FAM131B: variants seen among roughly 807,000 people sequenced by gnomAD.
FAM131B encodes family with sequence similarity 131 member B.
A neutral mutation model predicts 42.0 loss-of-function variants in FAM131B; 19 were observed. That is an observed-to-expected ratio of 0.45 (90% confidence interval 0.32 to 0.66). FAM131B has a LOEUF of 0.66. Among genes scored for constraint, FAM131B ranks in the 30% least tolerant of loss-of-function variants. FAM131B has a pLI of 0.05. For synonymous variants in FAM131B, 183 were observed against 177.6 expected (o/e 1.03, Z -0.24); for missense variants, 370 against 468.4 (o/e 0.79, Z 1.94).
At position 143,360,029 on chromosome 7, in the gene FAM131B, T is replaced by G; in HGVS notation, c.138+11A>C. 1 of 1,600,958 alleles carries G rather than the reference T, an allele frequency of 6.2e-7. No homozygotes were observed. Among genetic ancestry groups the G allele is most frequent in the Non-Finnish European group, 8.6e-7 (1 of 1,168,672 alleles). On this transcript the variant is annotated intron_variant, in intron 2 of 6. Coordinates refer to ENST00000443739, the MANE Select transcript of FAM131B (RefSeq NM_001031690.3). Reference sequence around the variant, plus strand: ...CAGCCAGAGACTTGGGGTGGCTGAGTGAGGTCTCACCTCAGTCGATGGCCG... The same window carrying G: ...CAGCCAGAGACTTGGGGTGGCTGAGGGAGGTCTCACCTCAGTCGATGGCCG...
In FAM131B at chr7:143,360,227, C is replaced by T; in HGVS notation, c.29-78G>A. On this transcript the variant is annotated intron_variant, in intron 1 of 6. Transcript: ENST00000443739. ...GCGACACCCTGGGGCCAGCCCTTCA[C>T]ACCCCTTCCTTACCCCAGCTGCCCA... 2.6e-6 allele frequency: 4 copies of T among 1,542,654 alleles called. No individual in the cohort carries two copies. In the South Asian group the frequency reaches 3.6e-5, roughly 14 times the overall value.
intron 1 of FAM131B, chr7:143,360,431 T>G: frequency 7.8e-7 from 1 of 1,277,406 alleles, no homozygotes. Context: ...AAACCAATTA[T>G]TCCGTCCTGA....
At chr7:143,382,098 C>G in the FAM131B span, 7 of 684,568 alleles carry the variant, frequency 1.0e-5, no homozygotes, top group Non-Finnish European at 1.7e-5. Context: ...CCTGGTACTC[C>G]CAGGGCGCCC....
Position 143,359,345 on chromosome 7 carries a change from C to T in FAM131B, c.249G>A (p.Leu83=). ...TCTCACCTGAGAATGATGACTTGGC[C>T]AGGGCCCCAATGCCATAGGCGTTAG... ...RNSNAYGIGA[L]AKSSFSGISR... Residue 83 remains leucine (L), a synonymous_variant, in exon 4 of 7, where the codon CTG becomes CTA. Transcript: ENST00000443739. This position sits in a 1 kb window ranked among gnomAD's most constrained non-coding sequence, Gnocchi z 5.4. The T allele has an allele frequency of 6.2e-7, 1 of 1,613,516 alleles. No individual in the cohort carries two copies. The highest frequency in any genetic ancestry group is 8.5e-7 in the Non-Finnish European group (1 of 1,179,734).
upstream of FAM131B, chr7:143,364,137 T>G (rs1446861674): frequency 6.6e-6 from 1 of 152,068 alleles, no homozygotes; most frequent in African/African-American, 2.4e-5. Flanking sequence ...CGTGGCAGGG[T>G]CTGATACCCT....
chr7:143,359,988 A>G lies in FAM131B; in HGVS notation c.138+52T>C, dbSNP rs1480849724. On this transcript the variant is annotated intron_variant, in intron 2 of 6. Transcript: ENST00000443739. This position sits in a 1 kb window ranked among gnomAD's most constrained non-coding sequence, Gnocchi z 5.4. ...GGAGTGTTTGGGTTGTTGCCTTGGAATTGAGGAAGTGCAGGCAGCCAGAGA... is the reference window on the plus strand; with the variant it reads ...GGAGTGTTTGGGTTGTTGCCTTGGAGTTGAGGAAGTGCAGGCAGCCAGAGA... 1.5e-5 allele frequency: 20 copies of G among 1,366,798 alleles called. No homozygotes were observed. The highest frequency in any genetic ancestry group is 2.1e-5 in the Non-Finnish European group (20 of 960,866). 84.7% of individuals were successfully genotyped at this position (1,366,798 alleles called of 1,614,324 possible). A position where few individuals can be genotyped will look rare whatever the true frequency, so the allele number is the denominator to read the frequency against.
the FAM131B span, among the ~76,000 whole-genome samples, chr7:143,371,291 A>C: frequency 6.6e-6 from 1 of 152,082 alleles, no homozygotes; most frequent in Non-Finnish European, 1.5e-5. Context: ...GGAATGATAT[A>C]TTTAAGGTGA....
At chr7:143,369,441 G>A in the FAM131B span, among the ~76,000 whole-genome samples, 32 of 152,268 alleles carry the variant, frequency 2.1e-4, no homozygotes, top group African/African-American at 7.2e-4. Flanking sequence ...TTGGGAGGCC[G>A]AGGAGGGTGA....
intron 1 of FAM131B, chr7:143,361,152 C>T (rs1008964209): frequency 6.6e-6 from 1 of 152,378 alleles, no homozygotes; most frequent in African/African-American, 2.4e-5. Flanking sequence ...CACGAGGAGG[C>T]ATTCAGCACA....
rs139118461 is a variant in FAM131B, at chr7:143,360,069, C to T, written c.109G>A (p.Gly37Arg). 60 of 1,613,844 alleles carry T rather than the reference C, an allele frequency of 3.7e-5. No individual in the cohort carries two copies. Among genetic ancestry groups the T allele is most frequent in the South Asian group, 3.5e-4 (32 of 91,036 alleles). Residue 37 changes from glycine (G) to arginine (R), a missense_variant, in exon 2 of 7, where the codon GGG (glycine) becomes AGG (arginine). Physicochemically the swap from Gly to Arg is moderately radical, Grantham distance 125. Transcript: ENST00000443739. ...INMDSTSSLHGSSLHRPSTEQ... is the reference protein window; with the variant it reads ...INMDSTSSLHRSSLHRPSTEQ... ...GTCGATGGCCGATGGAGGCTGCTCCCGTGCAGTGAGCTGGTGCTGTCCATG... is the reference window on the plus strand; with the variant it reads ...GTCGATGGCCGATGGAGGCTGCTCCTGTGCAGTGAGCTGGTGCTGTCCATG...
the FAM131B span, chr7:143,380,147 A>G: frequency 2.0e-6 from 2 of 985,146 alleles, no homozygotes; most frequent in East Asian, 1.1e-4. This position sits in a 1 kb window ranked among gnomAD's most constrained non-coding sequence, Gnocchi z 5.0. Context: ...CTACGGGTGC[A>G]TACTGGACTA....
rs1300535836 is a variant in FAM131B, at chr7:143,357,023, C to G, written c.611-1G>C. On this transcript the variant is annotated splice_acceptor_variant, in intron 6 of 6. Coordinates refer to ENST00000443739, the MANE Select transcript of FAM131B (RefSeq NM_001031690.3). LOFTEE classifies it high-confidence loss of function. Reference sequence around the variant, plus strand: ...TCCATGGGTGCTTGAGCCAGGGCATCTGGAAAAAGAATCATGGAGGTCAGT... The same window carrying G: ...TCCATGGGTGCTTGAGCCAGGGCATGTGGAAAAAGAATCATGGAGGTCAGT... 1 of 1,606,964 alleles carries G rather than the reference C, an allele frequency of 6.2e-7. No homozygotes were observed. The highest frequency in any genetic ancestry group is 1.3e-5 in the African/African-American group (1 of 74,744).
chr7:143,364,382 C>T (rs1804130407), upstream of FAM131B, among the ~76,000 whole-genome samples: 1 of 152,020 alleles, frequency 6.6e-6, no homozygotes, highest in African/African-American at 2.4e-5. Flanking sequence ...AGGGGACTGG[C>T]CAGGTAAGGA....
the FAM131B span, chr7:143,381,721 C>G: frequency 6.2e-7 from 1 of 1,600,486 alleles, no homozygotes. Context: ...CCCCGGCACC[C>G]GGGGCCCAGC....
the FAM131B span, chr7:143,380,253 C>T: frequency 1.1e-6 from 1 of 907,692 alleles, no homozygotes; most frequent in Non-Finnish European, 1.3e-6. The surrounding 1 kb of genome is among the most constrained non-coding windows in gnomAD (Gnocchi z 5.0). Context: ...AAAAAAAGAA[C>T]TAGAAGAATT....
chr7:143,358,772 G>A lies in FAM131B; in HGVS notation c.466+55C>T. 6.9e-7 allele frequency: 1 copy of A among 1,449,620 alleles called. No homozygotes were observed. The highest frequency in any genetic ancestry group is 1.2e-5 in the South Asian group (1 of 85,130). 89.8% of individuals were successfully genotyped at this position (1,449,620 alleles called of 1,614,324 possible). Reference sequence around the variant, plus strand: ...CTGCCACAGGGGATCAGGTTGGAGGGTCGGTCCCTGGCCATCCTGCAAATG... The same window carrying A: ...CTGCCACAGGGGATCAGGTTGGAGGATCGGTCCCTGGCCATCCTGCAAATG... On this transcript the variant is annotated intron_variant, in intron 5 of 6. Coordinates refer to ENST00000443739, the MANE Select transcript of FAM131B (RefSeq NM_001031690.3). This position sits in a 1 kb window ranked among gnomAD's most constrained non-coding sequence, Gnocchi z 4.7.
At chr7:143,376,731 G>T in the FAM131B span, among the ~76,000 whole-genome samples, 7 of 152,254 alleles carry the variant, frequency 4.6e-5, no homozygotes, top group Admixed American at 4.6e-4. Flanking sequence ...AGGCCAGTGG[G>T]ATGAGAGGGG....
chr7:143,361,042 C>A (rs1408765701), intron 1 of FAM131B: 1 of 152,116 alleles, frequency 6.6e-6, no homozygotes, highest in Non-Finnish European at 1.5e-5. Flanking sequence ...GCTGCCTGAA[C>A]CATCTGACCG....
At chr7:143,361,930 C>A (rs1181364952) in intron 1 of FAM131B, 1 of 517,284 alleles carries the variant, frequency 1.9e-6, no homozygotes, top group Non-Finnish European at 2.5e-6. Flanking sequence ...CGTCCCCCAG[C>A]CCCTTCCCTC....
Sources: allele counts gnomAD v4.1 joint callset (sites outside exome capture counted in the v4.1 genomes callset), GRCh38; gene constraint gnomAD v4.1.1; non-coding constraint Gnocchi (gnomAD v3.1); transcripts MANE v1.5; gene names NCBI Gene and HGNC (gene_info 2026-07-23, HGNC 2026-07-21).